The following SH3BGRL2 variants were observed in gnomAD, a reference collection of about 807,000 sequenced individuals.
SH3BGRL2 encodes SH3 domain binding glutamate rich protein like 2.
In SH3BGRL2, 21 loss-of-function variants were observed where a neutral mutation model predicts 14.8. The ratio of observed to expected loss-of-function variants is 1.42; its 90% CI spans 1.01 to 2.05. The LOEUF (loss-of-function observed/expected upper bound fraction) is 2.05, where lower values mean the gene tolerates loss of function less well. Ranked by LOEUF, SH3BGRL2 falls within the 30% of genes most tolerant of loss-of-function variation. The pLI is 0.00. For synonymous variants in SH3BGRL2, 50 were observed against 47.8 expected (o/e 1.05, Z -0.19); for missense variants, 147 against 130.8 (o/e 1.12, Z -0.61).
intron 2 of SH3BGRL2, among the ~76,000 whole-genome samples, chr6:79,675,059 A>T (rs1769853814): frequency 6.6e-6 from 1 of 152,182 alleles, no homozygotes; most frequent in African/African-American, 2.4e-5. Flanking sequence ...TATAAAATGT[A>T]CTCTTGTGCC....
chr6:79,658,611 A>T (rs982841700), intron 1 of SH3BGRL2, among the ~76,000 whole-genome samples: 1 of 152,218 alleles, frequency 6.6e-6, no homozygotes, highest in African/African-American at 2.4e-5. Context: ...ATATGTGTGC[A>T]TGTGTCTTTA....
the SH3BGRL2 span, among the ~76,000 whole-genome samples, chr6:79,588,354 G>C: frequency 6.6e-6 from 1 of 151,858 alleles, no homozygotes; most frequent in African/African-American, 2.4e-5. Context: ...GAAATATAGG[G>C]GGAAACTAAT....
chr6:79,590,984 A>G, the SH3BGRL2 span, among the ~76,000 whole-genome samples: 3 of 152,198 alleles, frequency 2.0e-5, no homozygotes, highest in African/African-American at 7.2e-5. Flanking sequence ...AGTATTAACT[A>G]TTTCCTAATA....
intron 1 of SH3BGRL2, among the ~76,000 whole-genome samples, chr6:79,664,113 T>C (rs927333228): frequency 1.3e-5 from 2 of 152,216 alleles, no homozygotes; most frequent in Non-Finnish European, 2.9e-5. Context: ...CCCCAACCCC[T>C]GTCCTTCCCA....
chr6:79,636,822 G>GCC (rs1768934114), intron 1 of SH3BGRL2, among the ~76,000 whole-genome samples: 1 of 152,068 alleles, frequency 6.6e-6, no homozygotes, highest in Non-Finnish European at 1.5e-5. Context: ...GTATCTTTGT[G>GCC]CCCAAATGTT....
chr6:79,639,165 A>G (rs1768984364), intron 1 of SH3BGRL2, among the ~76,000 whole-genome samples: 1 of 152,328 alleles, frequency 6.6e-6, no homozygotes, highest in South Asian at 2.1e-4. Context: ...TCTTAAATGA[A>G]TTGTGTTTTT....
the SH3BGRL2 span, among the ~76,000 whole-genome samples, chr6:79,564,092 A>G: frequency 6.6e-6 from 1 of 152,218 alleles, no homozygotes; most frequent in African/African-American, 2.4e-5. Flanking sequence ...CAAGCTGGAA[A>G]ACTGGTAACT....
chr6:79,639,575 G>A (rs1414718698), intron 1 of SH3BGRL2, among the ~76,000 whole-genome samples: 2 of 152,162 alleles, frequency 1.3e-5, no homozygotes, highest in Non-Finnish European at 2.9e-5. Context: ...GGGTGACAAA[G>A]TGAGACCTTG....
chr6:79,670,613 C>T (rs532814437), intron 1 of SH3BGRL2, among the ~76,000 whole-genome samples: 78 of 152,240 alleles, frequency 5.1e-4, no homozygotes, highest in Admixed American at 1.9e-3. Flanking sequence ...TTAAGAATTG[C>T]ATTTGGGTGC....
chr6:79,585,256 C>G, the SH3BGRL2 span, among the ~76,000 whole-genome samples: 1 of 151,904 alleles, frequency 6.6e-6, no homozygotes, highest in Non-Finnish European at 1.5e-5. Flanking sequence ...AGCCTTCTTT[C>G]TTCTCCTTCC....
the SH3BGRL2 span, among the ~76,000 whole-genome samples, chr6:79,545,019 G>T: frequency 4.4e-3 from 670 of 152,246 alleles, 9 homozygotes; most frequent in African/African-American, 0.015. Flanking sequence ...GCAGTGTCTC[G>T]GTCTCCCTCT....
chr6:79,549,295 A>T, the SH3BGRL2 span, among the ~76,000 whole-genome samples: 2 of 152,174 alleles, frequency 1.3e-5, no homozygotes, highest in African/African-American at 4.8e-5. Context: ...AGGTAAGAGG[A>T]ATCTTTTTCA....
intron 1 of SH3BGRL2, among the ~76,000 whole-genome samples, chr6:79,644,612 AG>A (rs1302485499): frequency 1.3e-5 from 2 of 152,188 alleles, no homozygotes; most frequent in Non-Finnish European, 2.9e-5. Context: ...TGTAGACTCC[AG>A]GGGCAGGAAG....
At chr6:79,648,324 T>TTA (rs1491247175) in intron 1 of SH3BGRL2, among the ~76,000 whole-genome samples, 12 of 137,918 alleles carry the variant, frequency 8.7e-5, no homozygotes, top group Non-Finnish European at 1.7e-4. Context: ...AATATTTGAC[T>TTA]TATATATATT....
At chr6:79,599,794 G>A in the SH3BGRL2 span, among the ~76,000 whole-genome samples, 852 of 152,214 alleles carry the variant, frequency 5.6e-3, 4 homozygotes, top group Admixed American at 0.011. Flanking sequence ...TTCGAGCAGG[G>A]AAATGGCTAG....
At chr6:79,573,418 T>C in the SH3BGRL2 span, among the ~76,000 whole-genome samples, 16,214 of 152,146 alleles carry the variant, frequency 0.11, 971 homozygotes, top group Non-Finnish European at 0.13. Flanking sequence ...AGTCTTAATA[T>C]CAGGATGAGG....
At chr6:79,548,603 TACC>T in the SH3BGRL2 span, among the ~76,000 whole-genome samples, 2 of 152,214 alleles carry the variant, frequency 1.3e-5, no homozygotes, top group African/African-American at 4.8e-5. Flanking sequence ...AGAATGTAGG[TACC>T]ACAAGGACGG....
At chr6:79,632,055 A>G (rs1343241169) in intron 1 of SH3BGRL2, among the ~76,000 whole-genome samples, 1 of 152,176 alleles carries the variant, frequency 6.6e-6, no homozygotes, top group Admixed American at 6.5e-5. Flanking sequence ...CTGTTGTGGT[A>G]GGATTGTTTG....
the SH3BGRL2 span, among the ~76,000 whole-genome samples, chr6:79,621,101 G>A: frequency 6.6e-6 from 1 of 151,768 alleles, no homozygotes; most frequent in African/African-American, 2.4e-5. Context: ...TATGAGTGTT[G>A]ACCTTGTACC....
Sources: gnomAD v4.1 joint callset for allele counts (sites outside exome capture counted in the v4.1 genomes callset) on GRCh38, gnomAD v4.1.1 for gene constraint, MANE v1.5 for transcripts, NCBI Gene and HGNC (gene_info 2026-07-23, HGNC 2026-07-21) for gene names.